BRD7: variants seen among roughly 807,000 people sequenced by gnomAD.
BRD7 encodes bromodomain-containing protein 7.
In BRD7, 15 loss-of-function variants were observed where a neutral mutation model predicts 82.1. The ratio of observed to expected loss-of-function variants is 0.18; its 90% CI spans 0.12 to 0.28. The LOEUF (loss-of-function observed/expected upper bound fraction) is 0.28. BRD7 is among the 10% of genes least tolerant of loss of function. BRD7 has a pLI of 1.00. For synonymous variants in BRD7, 232 were observed against 266.9 expected, an observed-to-expected ratio of 0.87 and a Z score of 1.27; for missense variants, 638 against 779.9, an observed-to-expected ratio of 0.82 and a Z score of 2.17.
intron 5 of BRD7, 104 bp downstream of exon 5, chr16:50,349,914 TTAAAA>T (rs986132199): frequency 3.2e-5 from 36 of 1,122,538 alleles, no homozygotes; most frequent in Non-Finnish European, 3.8e-5. Context: ...ATACTGGATC[TTAAAA>T]TAAACTCAAT....
At chr16:50,331,975 T>A (rs539643410) in intron 8 of BRD7, among the ~76,000 whole-genome samples, 5 of 152,178 alleles carry the variant, frequency 3.3e-5, no homozygotes, top group African/African-American at 1.2e-4. Flanking sequence ...TCTCACAATA[T>A]ACAAACATTA....
chr16:50,320,007 T>C lies in BRD7; in HGVS notation c.1780A>G (p.Lys594Glu). 1.2e-6 allele frequency: 2 copies of C among 1,610,450 alleles called. No homozygotes were observed. Residue 594 changes from lysine (K) to glutamate (E), a missense_variant, in exon 16 of 17, where the codon AAA becomes GAA. By Grantham distance (56) the Lys-to-Glu change is moderately conservative. Transcript: ENST00000394688. ...GGAGTTACTTGCTGTGCAAGTTCTT[T>C]AAGATTATTGGTCACTTGTTCAGCT... ...HLAEQVTNNL[K>E]ELAQQVTPGD...
intron 6 of BRD7, among the ~76,000 whole-genome samples, chr16:50,338,201 C>G (rs1268244954): frequency 6.6e-6 from 1 of 152,186 alleles, no homozygotes; most frequent in Non-Finnish European, 1.5e-5. Context: ...GTTCTAGATT[C>G]TGAGAGTCTT....
intron 5 of BRD7, among the ~76,000 whole-genome samples, chr16:50,348,441 C>G (rs2038377893): frequency 6.6e-6 from 1 of 152,238 alleles, no homozygotes; most frequent in Non-Finnish European, 1.5e-5. Flanking sequence ...AGCTTCTGCA[C>G]AGCAAAAGAA....
Position 50,316,793 on chromosome 16 carries a change from A to G in BRD7, c.*2418T>C, listed in dbSNP as rs1216063230. 1 of 152,378 alleles carries G rather than the reference A, an allele frequency of 6.6e-6. No individual in the cohort carries two copies. Among genetic ancestry groups the G allele is most frequent in the Non-Finnish European group, 1.5e-5 (1 of 68,046 alleles). 9.4% of individuals were successfully genotyped at this position (152,378 alleles called of 1,614,324 possible). On this transcript the variant is annotated 3_prime_UTR_variant, in exon 17 of 17. Coordinates refer to ENST00000394688, the MANE Select transcript of BRD7 (RefSeq NM_013263.5). ...CCAAACTGCCCGTGACTTTTTCTGA[A>G]TGGACTTCATAACCGGAAGACTTAA...
intron 2 of BRD7, among the ~76,000 whole-genome samples, chr16:50,363,677 G>GC (rs1400321488): frequency 4.7e-5 from 3 of 63,756 alleles, no homozygotes; most frequent in African/African-American, 9.9e-5. Context: ...GCGCGCGTGC[G>GC]CGTGTGCTTC....
At chr16:50,321,565 TC>T (rs1289449412) in intron 13 of BRD7, among the ~76,000 whole-genome samples, 1 of 27,732 alleles carries the variant, frequency 3.6e-5, no homozygotes, top group African/African-American at 2.1e-4. Flanking sequence ...GGACTCCATC[TC>T]AAAAAAAAAA....
intron 5 of BRD7, among the ~76,000 whole-genome samples, chr16:50,346,075 G>A (rs1273729157): frequency 6.6e-6 from 1 of 152,182 alleles, no homozygotes; most frequent in Non-Finnish European, 1.5e-5. Flanking sequence ...CTGTCTCTCA[G>A]ACCACAGTGC....
At chr16:50,356,087 T>C (rs2038720245) in intron 2 of BRD7, among the ~76,000 whole-genome samples, 1 of 152,218 alleles carries the variant, frequency 6.6e-6, no homozygotes, top group Non-Finnish European at 1.5e-5. Context: ...AGAACTTGGG[T>C]AATTATAGAT....
At chr16:50,352,582 T>C (rs987019338) in intron 4 of BRD7, among the ~76,000 whole-genome samples, 1 of 152,194 alleles carries the variant, frequency 6.6e-6, no homozygotes. Flanking sequence ...TGCTGGATCA[T>C]ATGGTAGTTC....
chr16:50,352,046 T>C (rs953250269), intron 4 of BRD7, among the ~76,000 whole-genome samples: 5 of 152,214 alleles, frequency 3.3e-5, no homozygotes, highest in Admixed American at 6.5e-5. Flanking sequence ...TAACTGTAAT[T>C]CTGTACCTGC....
chr16:50,326,796 GA>G (rs2037358683), intron 9 of BRD7, among the ~76,000 whole-genome samples: 1 of 152,234 alleles, frequency 6.6e-6, no homozygotes, highest in African/African-American at 2.4e-5. Context: ...ACTAACACAT[GA>G]AGGATAAATG....
At chr16:50,352,295 T>C (rs1227655841) in intron 4 of BRD7, among the ~76,000 whole-genome samples, 1 of 152,250 alleles carries the variant, frequency 6.6e-6, no homozygotes, top group Non-Finnish European at 1.5e-5. Flanking sequence ...AAAAGGATCG[T>C]GCAGTATTTG....
chr16:50,337,231 A>G (rs1012296681), intron 6 of BRD7, among the ~76,000 whole-genome samples: 10 of 151,174 alleles, frequency 6.6e-5, no homozygotes, highest in African/African-American at 2.4e-4. Context: ...GGAGATAAAA[A>G]GTTACTCTTC....
At chr16:50,355,756 G>A (rs1166483636) in intron 2 of BRD7, among the ~76,000 whole-genome samples, 2 of 152,164 alleles carry the variant, frequency 1.3e-5, no homozygotes, top group African/African-American at 4.8e-5. Context: ...GCATCTTTAA[G>A]ACCCAAGAGT....
chr16:50,352,394 G>C (rs1472149818), intron 4 of BRD7, among the ~76,000 whole-genome samples: 4 of 152,074 alleles, frequency 2.6e-5, no homozygotes, highest in African/African-American at 9.7e-5. Context: ...TTTAATGGTG[G>C]AATAATACTC....
chr16:50,361,635 T>C (rs373611654), intron 2 of BRD7, among the ~76,000 whole-genome samples: 2 of 152,234 alleles, frequency 1.3e-5, no homozygotes, highest in Non-Finnish European at 2.9e-5. Flanking sequence ...AGATTTATGT[T>C]ACTAACACTC....
intron 8 of BRD7, among the ~76,000 whole-genome samples, chr16:50,333,067 G>A (rs972993751): frequency 5.3e-5 from 8 of 152,134 alleles, no homozygotes; most frequent in African/African-American, 1.9e-4. Flanking sequence ...TTCAAGAGAA[G>A]CTCAAATCTC....
chr16:50,360,355 T>C (rs571883517), intron 2 of BRD7, among the ~76,000 whole-genome samples: 2 of 152,320 alleles, frequency 1.3e-5, no homozygotes, highest in African/African-American at 4.8e-5. Flanking sequence ...TATATACACA[T>C]ACATATATTC....
Sources: gnomAD v4.1 joint callset for allele counts (sites outside exome capture counted in the v4.1 genomes callset) on GRCh38, gnomAD v4.1.1 for gene constraint, MANE v1.5 for transcripts, NCBI Gene and HGNC (gene_info 2026-07-23, HGNC 2026-07-21) for gene names.